Variants in CNTN4 observed in about 807,000 individuals in gnomAD.
CNTN4 encodes the protein contactin-4.
CNTN4 carries 77 observed loss-of-function variants against 122.5 expected under a neutral mutation model. The ratio of observed to expected loss-of-function variants is 0.63; its 90% CI spans 0.52 to 0.76. CNTN4 has a LOEUF of 0.76. CNTN4 is among the 30% of genes least tolerant of loss of function. The pLI is 0.00. For missense variants in CNTN4, 1,256 were observed against 1,259.1 expected (o/e 1.00, Z 0.04); for synonymous variants, 512 against 447.0 (o/e 1.15, Z -1.83).
chr3:2,677,612 G>A (rs1194658881), intron 4 of CNTN4, among the ~76,000 whole-genome samples: 2 of 151,966 alleles, frequency 1.3e-5, no homozygotes, highest in Non-Finnish European at 2.9e-5. Flanking sequence ...CATAAAGAGA[G>A]GTTGAACATT....
chr3:2,474,027 A>T (rs113791102), intron 3 of CNTN4, among the ~76,000 whole-genome samples: 2,334 of 151,950 alleles, frequency 0.015, 49 homozygotes, highest in African/African-American at 0.046. Context: ...AAAAAAAAAA[A>T]ATATTGCCAA....
intron 3 of CNTN4, among the ~76,000 whole-genome samples, chr3:2,359,659 C>G (rs924104898): frequency 5.9e-5 from 9 of 152,158 alleles, no homozygotes; most frequent in African/African-American, 2.2e-4. Context: ...CCTGACTCAG[C>G]CTCCAGAGTA....
At chr3:2,190,654 C>T (rs577036880) in intron 2 of CNTN4, among the ~76,000 whole-genome samples, 3 of 152,102 alleles carry the variant, frequency 2.0e-5, no homozygotes, top group African/African-American at 7.2e-5. Flanking sequence ...GATGAAGTTA[C>T]AGGACCCCCA....
intron 7 of CNTN4, among the ~76,000 whole-genome samples, chr3:2,863,084 G>A (rs2093686749): frequency 6.6e-6 from 1 of 151,956 alleles, no homozygotes; most frequent in Non-Finnish European, 1.5e-5. Flanking sequence ...CGATTTGTTG[G>A]GTATGTTTTA....
Position 2,920,697 on chromosome 3 carries a change from G to A in CNTN4, c.1208-4932G>A, listed in dbSNP as rs930551649. Among the ~76,000 whole-genome samples the A allele has an allele frequency of 1.6e-4, 24 of 152,200 alleles. No individual in the cohort carries two copies. In the South Asian group the frequency reaches 4.0e-3, roughly 25 times the overall value. ...GTGGAAATAGCAGTGGAGAGGGGACGTATGAAGTTCTTAATCTGGATCAAA... is the reference window on the plus strand; with the variant it reads ...GTGGAAATAGCAGTGGAGAGGGGACATATGAAGTTCTTAATCTGGATCAAA... On this transcript the variant is annotated intron_variant, in intron 12 of 24. Transcript: ENST00000418658.
intron 4 of CNTN4, among the ~76,000 whole-genome samples, chr3:2,609,184 A>G (rs145185034): frequency 1.3e-4 from 20 of 152,344 alleles, no homozygotes; most frequent in Admixed American, 1.2e-3. Context: ...TGTAATCTGC[A>G]TTGTGGAGAT....
chr3:2,650,280 G>A (rs2083304645), intron 4 of CNTN4, among the ~76,000 whole-genome samples: 1 of 151,948 alleles, frequency 6.6e-6, no homozygotes, highest in African/African-American at 2.4e-5. Context: ...TAGAAGTGGA[G>A]CCCAGAGAGA....
At chr3:2,840,642 T>G (rs1216954441) in intron 7 of CNTN4, among the ~76,000 whole-genome samples, 1 of 139,816 alleles carries the variant, frequency 7.2e-6, no homozygotes, top group Non-Finnish European at 1.6e-5. Context: ...GAGCTTGCAG[T>G]GAGCCAAGAT....
At chr3:2,539,200 T>C (rs1261564197) in intron 3 of CNTN4, among the ~76,000 whole-genome samples, 3 of 152,104 alleles carry the variant, frequency 2.0e-5, no homozygotes, top group African/African-American at 7.2e-5. Flanking sequence ...CAATTTATTC[T>C]TGAAATTAGC....
At chr3:2,306,779 T>G (rs889962066) in intron 2 of CNTN4, among the ~76,000 whole-genome samples, 28 of 152,158 alleles carry the variant, frequency 1.8e-4, no homozygotes, top group African/African-American at 6.3e-4. Flanking sequence ...TATTTAGGTC[T>G]TTTTAAAATT....
At chr3:2,449,967 C>G (rs1005886269) in intron 3 of CNTN4, among the ~76,000 whole-genome samples, 1 of 152,078 alleles carries the variant, frequency 6.6e-6, no homozygotes, top group Non-Finnish European at 1.5e-5. Context: ...AATTGTTGTT[C>G]AATGGGTATA....
intron 3 of CNTN4, among the ~76,000 whole-genome samples, chr3:2,348,665 C>G (rs1457946595): frequency 6.6e-6 from 1 of 152,086 alleles, no homozygotes; most frequent in Non-Finnish European, 1.5e-5. Context: ...GGTCATTGAT[C>G]TATATTAGCT....
At chr3:2,729,072 A>T (rs1377914330) in intron 4 of CNTN4, among the ~76,000 whole-genome samples, 1 of 152,166 alleles carries the variant, frequency 6.6e-6, no homozygotes, top group Admixed American at 6.5e-5. Flanking sequence ...AAATCATAAT[A>T]TTGCATTTTT....
At chr3:2,645,121 G>T (rs185464880) in intron 4 of CNTN4, among the ~76,000 whole-genome samples, 1 of 151,938 alleles carries the variant, frequency 6.6e-6, no homozygotes, top group Non-Finnish European at 1.5e-5. Flanking sequence ...TTATTTTTCA[G>T]ACATGAAAAT....
intron 23 of CNTN4, among the ~76,000 whole-genome samples, chr3:3,051,590 C>G (rs544035146): frequency 1.7e-3 from 252 of 152,332 alleles, no homozygotes; most frequent in Non-Finnish European, 2.7e-3. Flanking sequence ...AGCTTTGACA[C>G]TCCTGAATGT....
chr3:2,969,525 T>TATTA (rs1416989579), intron 13 of CNTN4, among the ~76,000 whole-genome samples: 3 of 151,850 alleles, frequency 2.0e-5, no homozygotes, highest in African/African-American at 4.8e-5. Context: ...GGATTATTAT[T>TATTA]ATTATTATTA....
intron 23 of CNTN4, among the ~76,000 whole-genome samples, chr3:3,052,514 C>T (rs1358907203): frequency 2.6e-5 from 4 of 152,144 alleles, no homozygotes; most frequent in Non-Finnish European, 5.9e-5. Context: ...CTCATCCAAC[C>T]CTATCTTTTT....
At chr3:2,328,980 TCTA>T (rs1200977961) in intron 2 of CNTN4, among the ~76,000 whole-genome samples, 1 of 152,140 alleles carries the variant, frequency 6.6e-6, no homozygotes, top group Admixed American at 6.5e-5. Context: ...TTTCTATAAA[TCTA>T]CTGGGTTTTA....
intron 3 of CNTN4, among the ~76,000 whole-genome samples, chr3:2,390,678 A>AT (rs374085435): frequency 2.6e-5 from 4 of 152,068 alleles, no homozygotes; most frequent in Admixed American, 2.6e-4. Context: ...CCTCAATAGG[A>AT]TTTTTTTCCC....
Sources: gnomAD v4.1 joint callset for allele counts (sites outside exome capture counted in the v4.1 genomes callset) on GRCh38, gnomAD v4.1.1 for gene constraint, MANE v1.5 for transcripts, NCBI Gene and HGNC (gene_info 2026-07-23, HGNC 2026-07-21) for gene names.